EVC2: variants seen among roughly 807,000 people sequenced by gnomAD.
EVC2 encodes limbin.
A neutral mutation model predicts 149.3 loss-of-function variants in EVC2; 148 were observed. The observed-to-expected ratio is 0.99, with a 90% CI of 0.87 to 1.14. The LOEUF (loss-of-function observed/expected upper bound fraction) is 1.14. EVC2 is among the 50% of genes most tolerant of loss of function. EVC2 has a pLI of 0.00. For missense variants in EVC2, 1,854 were observed against 1,627.3 expected, an observed-to-expected ratio of 1.14 and a Z score of -2.40; for synonymous variants, 776 against 649.9, an observed-to-expected ratio of 1.19 and a Z score of -2.95.
intron 7 of EVC2, among the ~76,000 whole-genome samples, chr4:5,671,746 G>A (rs947769083): frequency 6.6e-6 from 1 of 152,132 alleles, no homozygotes; most frequent in Non-Finnish European, 1.5e-5. Context: ...TCCTGACCTC[G>A]TGCTCTGCCC....
intron 7 of EVC2, among the ~76,000 whole-genome samples, chr4:5,676,962 G>C (rs6446386): frequency 0.55 from 83,298 of 152,018 alleles, 22,936 homozygotes; most frequent in African/African-American, 0.62. Flanking sequence ...CTGAGCCTGA[G>C]GTACACTTAT....
At chr4:5,573,569 G>A (rs1368465787) in intron 19 of EVC2, among the ~76,000 whole-genome samples, 1 of 152,194 alleles carries the variant, frequency 6.6e-6, no homozygotes, top group African/African-American at 2.4e-5. Flanking sequence ...TCCCCCTAAA[G>A]CTTCCGAAAG....
intron 9 of EVC2, among the ~76,000 whole-genome samples, chr4:5,641,418 A>T (rs995461261): frequency 1.3e-5 from 2 of 152,262 alleles, no homozygotes; most frequent in Non-Finnish European, 2.9e-5. Flanking sequence ...GGTTCAGGAT[A>T]CATGGGAATT....
rs188914355 is a variant in EVC2 at position 5,616,512 on chromosome 4, G to A, written c.2707-968C>T. Among the ~76,000 whole-genome samples, 168 of 152,328 alleles carry A rather than the reference G, an allele frequency of 1.1e-3. 2 individuals carry two copies. Among genetic ancestry groups the A allele is most frequent in the Middle Eastern group, 6.8e-3 (2 of 294 alleles). On this transcript the variant is annotated intron_variant, in intron 15 of 21. Coordinates refer to ENST00000344408, the MANE Select transcript of EVC2 (RefSeq NM_147127.5). ...AGGGGTTCCCTGGTGGTGACACAACGGTGGGTGAGAACGGCCAAGAGATGG... is the reference window on the plus strand; with the variant it reads ...AGGGGTTCCCTGGTGGTGACACAACAGTGGGTGAGAACGGCCAAGAGATGG...
At chr4:5,631,681 C>T (rs1265104210) in intron 11 of EVC2, 112 bp downstream of exon 11, 9 of 1,409,784 alleles carry the variant, frequency 6.4e-6, no homozygotes, top group Non-Finnish European at 7.7e-6. Flanking sequence ...GAAGAGAAAG[C>T]TCACTAGTGC....
At chr4:5,561,793 A>G (rs917483922), downstream of EVC2, among the ~76,000 whole-genome samples, 1 of 152,170 alleles carries the variant, frequency 6.6e-6, no homozygotes, top group Non-Finnish European at 1.5e-5. Flanking sequence ...GGTACTAGTG[A>G]TCATTAAAAA....
chr4:5,650,638 T>TATATATATATAGAGAG (rs1162935817), intron 9 of EVC2, among the ~76,000 whole-genome samples: 5 of 45,092 alleles, frequency 1.1e-4, no homozygotes, highest in Non-Finnish European at 2.0e-4. Flanking sequence ...TATATATATA[T>TATATATATATAGAGAG]AGAGAGAGAG....
At position 5,622,851 on chromosome 4, in the gene EVC2, G is replaced by A. The variant is rs151249435; in HGVS notation, c.2187C>T (p.Asp729=). Residue 729 remains aspartate, a synonymous_variant, in exon 14 of 22, where the codon GAC becomes GAT. Transcript: ENST00000344408. The surrounding 1 kb of genome is among the most constrained non-coding windows in gnomAD (Gnocchi z 5.8). ...TCCTGAGATCGTCCAGGGCGGCCTG[G>A]TCCAGACGCTCCTGCAGCTCCTCCA... The part of the protein sequence containing the change: ...ATLEELQERL[D]QAALDDLRTL... The A allele has an allele frequency of 3.1e-6, 5 of 1,613,926 alleles. No homozygotes were observed. The African/African-American group carries it at 5.3e-5, about 17-fold the overall frequency.
chr4:5,564,415 G>C (rs1396043060), intron 21 of EVC2, among the ~76,000 whole-genome samples: 1 of 152,120 alleles, frequency 6.6e-6, no homozygotes, highest in East Asian at 1.9e-4. Context: ...CCAATATCCT[G>C]ATCTAACTTA....
downstream of EVC2, among the ~76,000 whole-genome samples, chr4:5,559,679 C>A (rs1392485589): frequency 1.3e-5 from 2 of 152,036 alleles, no homozygotes; most frequent in Admixed American, 6.5e-5. This position sits in a 1 kb window ranked among gnomAD's most constrained non-coding sequence, Gnocchi z 5.0. Context: ...TGGGAGACAA[C>A]AGAAAGAGCT....
intron 16 of EVC2, among the ~76,000 whole-genome samples, chr4:5,601,379 A>T (rs1183858868): frequency 6.6e-6 from 1 of 152,210 alleles, no homozygotes; most frequent in African/African-American, 2.4e-5. Context: ...GGAAGACAGC[A>T]TTGGGATGGT....
intron 9 of EVC2, among the ~76,000 whole-genome samples, chr4:5,654,326 C>T (rs557703075): frequency 1.6e-4 from 24 of 152,202 alleles, no homozygotes; most frequent in African/African-American, 5.5e-4. Flanking sequence ...GCAGAGATGG[C>T]AGTTTTTGAG....
chr4:5,567,346 G>C lies in EVC2; in HGVS notation c.3557+1098C>G, dbSNP rs1417280220. ...CTCAGCAGCGCTTCTTGGATTTTGG[G>C]GTCAGATACTCTGATAAAAAGTATC... On this transcript the variant is annotated intron_variant, in intron 20 of 21. Transcript: ENST00000344408. This position sits in a 1 kb window ranked among gnomAD's most constrained non-coding sequence, Gnocchi z 4.4. Among the ~76,000 whole-genome samples the C allele has an allele frequency of 6.6e-6, 1 of 152,044 alleles. No homozygotes were observed. The highest frequency in any genetic ancestry group is 1.5e-5 in the Non-Finnish European group (1 of 68,006).
downstream of EVC2, among the ~76,000 whole-genome samples, chr4:5,542,215 G>A (rs766106075): frequency 7.9e-5 from 12 of 152,204 alleles, no homozygotes; most frequent in Non-Finnish European, 1.5e-4. Flanking sequence ...ACTTTGGGAA[G>A]CTGAGGTGGG....
At chr4:5,665,771 T>A (rs115622379) in intron 7 of EVC2, 122 bp from the exon 8 acceptor site, 45 of 1,462,420 alleles carry the variant, frequency 3.1e-5, no homozygotes, top group African/African-American at 2.9e-4. Context: ...TGCATTTGAG[T>A]CTCGCTCTGC....
intron 7 of EVC2, among the ~76,000 whole-genome samples, chr4:5,671,804 C>T (rs564296669): frequency 5.9e-5 from 9 of 152,354 alleles, no homozygotes; most frequent in African/African-American, 2.2e-4. Context: ...GCCACTGCGC[C>T]TGGCCTCAAA....
intron 17 of EVC2, among the ~76,000 whole-genome samples, chr4:5,582,441 G>A (rs570289491): frequency 6.6e-6 from 1 of 152,308 alleles, no homozygotes; most frequent in South Asian, 2.1e-4. Flanking sequence ...GGGGCCTATA[G>A]CCCCTTTCTT....
chr4:5,700,601 G>T (rs1026320203), intron 1 of EVC2, among the ~76,000 whole-genome samples: 2 of 152,116 alleles, frequency 1.3e-5, no homozygotes, highest in African/African-American at 4.8e-5. Context: ...TGAGAACCCT[G>T]GGCCAGGCCT....
intron 8 of EVC2, among the ~76,000 whole-genome samples, chr4:5,664,323 T>A (rs539416510): frequency 6.6e-6 from 1 of 152,066 alleles, no homozygotes; most frequent in African/African-American, 2.4e-5. Context: ...GGCAAAAAAA[T>A]AAAGAAAAAT....
Sources: gnomAD v4.1 joint callset for allele counts (sites outside exome capture counted in the v4.1 genomes callset) on GRCh38, gnomAD v4.1.1 for gene constraint, Gnocchi (gnomAD v3.1) non-coding constraint, MANE v1.5 for transcripts, NCBI Gene and HGNC (gene_info 2026-07-23, HGNC 2026-07-21) for gene names.